The following OSBPL9 variants were observed in gnomAD, a reference collection of about 807,000 sequenced individuals.
OSBPL9 encodes the protein oxysterol binding protein like 9.
OSBPL9 carries 40 observed loss-of-function variants against 106.6 expected under a neutral mutation model. The observed-to-expected ratio is 0.38, with a 90% CI of 0.29 to 0.49. The LOEUF is 0.49. Ranked by LOEUF, OSBPL9 falls within the 20% of genes least tolerant of loss-of-function variation. OSBPL9 has a pLI of 0.97. For missense variants in OSBPL9, 609 were observed against 887.2 expected, an observed-to-expected ratio of 0.69 and a Z score of 3.98; for synonymous variants, 269 against 295.4, an observed-to-expected ratio of 0.91 and a Z score of 0.92.
chr1:51,628,684 CTTTTTTT>C (rs909175159), intron 1 of OSBPL9, among the ~76,000 whole-genome samples: 15 of 134,484 alleles, frequency 1.1e-4, no homozygotes, highest in African/African-American at 1.9e-4. Flanking sequence ...TTCTTTTTTT[CTTTTTTT>C]TTTTTTTTTT....
chr1:51,701,651 GTTTT>G (rs113520734), intron 3 of OSBPL9, among the ~76,000 whole-genome samples: 1 of 146,588 alleles, frequency 6.8e-6, no homozygotes, highest in East Asian at 2.0e-4. Flanking sequence ...GGTTTTTTTT[GTTTT>G]TTTTTTATAC....
chr1:51,555,909 AT>A, the OSBPL9 span, among the ~76,000 whole-genome samples: 1 of 152,286 alleles, frequency 6.6e-6, no homozygotes, highest in East Asian at 1.9e-4. Flanking sequence ...ATAGTTCTCT[AT>A]TTTTTTAAAA....
At chr1:51,616,130 G>A (rs967694359), upstream of OSBPL9, among the ~76,000 whole-genome samples, 1 of 151,416 alleles carries the variant, frequency 6.6e-6, no homozygotes, top group Non-Finnish European at 1.5e-5. Flanking sequence ...GGACTACAGG[G>A]TGCGCCACCA....
At chr1:51,704,580 A>T (rs776933866) in intron 3 of OSBPL9, among the ~76,000 whole-genome samples, 2 of 152,204 alleles carry the variant, frequency 1.3e-5, no homozygotes, top group African/African-American at 2.4e-5. Flanking sequence ...ATTTCCTCAC[A>T]GTTCTGGAGG....
chr1:51,690,564 TC>T lies in OSBPL9; in HGVS notation c.241+21053del, dbSNP rs377620261. Among the ~76,000 whole-genome samples, 968 of 152,330 alleles carry T rather than the reference TC, an allele frequency of 6.4e-3. 7 individuals are homozygous for T. Among genetic ancestry groups the T allele is most frequent in the Non-Finnish European group, 0.011 (757 of 68,026 alleles). ...GCAAAAATAAAGATTTCTTAGGAAATCTAATTTTAGTCTCTAAATATAATAA... is the reference window on the plus strand; with the variant it reads ...GCAAAAATAAAGATTTCTTAGGAAATTAATTTTAGTCTCTAAATATAATAA... On this transcript the variant is annotated intron_variant, in intron 3 of 23. Coordinates refer to ENST00000428468, the MANE Select transcript of OSBPL9 (RefSeq NM_024586.6).
intron 3 of OSBPL9, among the ~76,000 whole-genome samples, chr1:51,684,825 C>T (rs187560834): frequency 6.6e-6 from 1 of 152,108 alleles, no homozygotes; most frequent in Non-Finnish European, 1.5e-5. Flanking sequence ...TGAGCCACCG[C>T]GCCTGGCCAA....
At chr1:51,642,289 A>G (rs1027932278) in intron 1 of OSBPL9, among the ~76,000 whole-genome samples, 1 of 152,206 alleles carries the variant, frequency 6.6e-6, no homozygotes, top group African/African-American at 2.4e-5. Context: ...TAATAGGTCA[A>G]TATTCTCCTA....
intron 1 of OSBPL9, among the ~76,000 whole-genome samples, chr1:51,634,521 T>G (rs1239625571): frequency 2.0e-5 from 3 of 152,150 alleles, no homozygotes; most frequent in African/African-American, 7.2e-5. Flanking sequence ...AGTCGCCAGA[T>G]TAACAGGAGA....
At chr1:51,720,502 T>G (rs1316080470) in intron 4 of OSBPL9, among the ~76,000 whole-genome samples, 1 of 151,970 alleles carries the variant, frequency 6.6e-6, no homozygotes, top group Non-Finnish European at 1.5e-5. Context: ...ATTTTTTGTA[T>G]TTTAGTAGAG....
At chr1:51,605,102 T>C (rs576270278) in intron 2 of OSBPL9, among the ~76,000 whole-genome samples, 1 of 152,226 alleles carries the variant, frequency 6.6e-6, no homozygotes, top group Non-Finnish European at 1.5e-5. Flanking sequence ...TGACATTTTA[T>C]AGAAAATGTT....
At chr1:51,538,951 CTT>C in the OSBPL9 span, among the ~76,000 whole-genome samples, 1 of 152,208 alleles carries the variant, frequency 6.6e-6, no homozygotes, top group Non-Finnish European at 1.5e-5. Context: ...TCCTCACTCT[CTT>C]TGTCTATTCC....
At chr1:51,756,386 C>T in intron 9 of OSBPL9, 28 bp downstream of exon 9, 5 of 1,603,948 alleles carry the variant, frequency 3.1e-6, no homozygotes, top group Non-Finnish European at 3.4e-6. Flanking sequence ...TTTTTGTTTC[C>T]CTTTACTTCT....
chr1:51,580,475 G>A (rs1355813013), intron 1 of OSBPL9, among the ~76,000 whole-genome samples: 1 of 152,096 alleles, frequency 6.6e-6, no homozygotes, highest in African/African-American at 2.4e-5. Context: ...TTATCTTGGA[G>A]GCTGTCATTT....
At chr1:51,699,118 A>G (rs1656696541) in intron 3 of OSBPL9, among the ~76,000 whole-genome samples, 1 of 152,224 alleles carries the variant, frequency 6.6e-6, no homozygotes, top group African/African-American at 2.4e-5. Context: ...TTTTGAGACT[A>G]TCATAAAACA....
At chr1:51,524,075 G>A in the OSBPL9 span, among the ~76,000 whole-genome samples, 1 of 152,186 alleles carries the variant, frequency 6.6e-6, no homozygotes, top group Non-Finnish European at 1.5e-5. Context: ...TCTGAAGCTC[G>A]TGCTTCTAAG....
chr1:51,632,915 G>A (rs1005424721), intron 1 of OSBPL9, among the ~76,000 whole-genome samples: 3 of 151,878 alleles, frequency 2.0e-5, no homozygotes, highest in Non-Finnish European at 4.4e-5. Flanking sequence ...GTATTTTGAA[G>A]TAAAGTTAGA....
intron 2 of OSBPL9, among the ~76,000 whole-genome samples, chr1:51,602,366 AATTT>A (rs1378677785): frequency 2.0e-5 from 3 of 151,070 alleles, no homozygotes; most frequent in African/African-American, 7.3e-5. Flanking sequence ...ACTGTATGGT[AATTT>A]ATTCGTATAC....
intron 1 of OSBPL9, among the ~76,000 whole-genome samples, chr1:51,588,486 C>T (rs941098747): frequency 6.6e-6 from 1 of 152,102 alleles, no homozygotes; most frequent in Non-Finnish European, 1.5e-5. Context: ...TAGCAAGACC[C>T]CTGTCTCTAC....
At chr1:51,657,758 G>C (rs574674134) in intron 2 of OSBPL9, among the ~76,000 whole-genome samples, 2 of 152,260 alleles carry the variant, frequency 1.3e-5, no homozygotes, top group East Asian at 3.9e-4. Flanking sequence ...ACAAAACATT[G>C]GCATTTTCAG....
Sources: allele counts gnomAD v4.1 joint callset (sites outside exome capture counted in the v4.1 genomes callset), GRCh38; gene constraint gnomAD v4.1.1; transcripts MANE v1.5; gene names NCBI Gene and HGNC (gene_info 2026-07-23, HGNC 2026-07-21).